Variants in AKT3 observed in about 807,000 individuals in gnomAD.
AKT3 encodes RAC-gamma serine/threonine-protein kinase.
Under a neutral mutation model 65.3 loss-of-function variants are expected in AKT3, and 15 were observed. That is an observed-to-expected ratio of 0.23 (90% CI 0.15 to 0.35). The LOEUF (loss-of-function observed/expected upper bound fraction) is 0.35. Ranked by LOEUF, AKT3 falls within the 10% of genes least tolerant of loss-of-function variation. The pLI is 1.00. For synonymous variants in AKT3, 206 were observed against 183.8 expected (o/e 1.12, Z -0.98); for missense variants, 243 against 576.5 (o/e 0.42, Z 5.92).
At chr1:243,729,673 C>A (rs1290249094) in intron 2 of AKT3, among the ~76,000 whole-genome samples, 2 of 151,794 alleles carry the variant, frequency 1.3e-5, no homozygotes, top group Non-Finnish European at 2.9e-5. Flanking sequence ...GGAAAACGTT[C>A]ATAATATTAA....
At chr1:243,648,433 C>G (rs1278959794) in intron 4 of AKT3, among the ~76,000 whole-genome samples, 1 of 152,114 alleles carries the variant, frequency 6.6e-6, no homozygotes, top group Non-Finnish European at 1.5e-5. Flanking sequence ...CTCCATTTGG[C>G]CACATAACTT....
At chr1:243,828,579 G>T (rs553508738) in intron 2 of AKT3, among the ~76,000 whole-genome samples, 1 of 152,204 alleles carries the variant, frequency 6.6e-6, no homozygotes, top group Non-Finnish European at 1.5e-5. Flanking sequence ...AGACATCAAG[G>T]ATGAAGACCT....
intron 9 of AKT3, among the ~76,000 whole-genome samples, chr1:243,569,723 A>C (rs1376311504): frequency 6.6e-6 from 1 of 152,236 alleles, no homozygotes; most frequent in East Asian, 1.9e-4. Flanking sequence ...AAATAGCAAC[A>C]ACTTATGTAT....
At chr1:243,652,144 G>C (rs1681392075) in intron 4 of AKT3, among the ~76,000 whole-genome samples, 1 of 151,340 alleles carries the variant, frequency 6.6e-6, no homozygotes, top group Non-Finnish European at 1.5e-5. Flanking sequence ...TGCCTCCTGG[G>C]TTCAAGAGAT....
chr1:243,528,865 T>G lies in AKT3; in HGVS notation c.1252-16439A>C, dbSNP rs566677340. ...GTCAAATGGTAATTCTGCTTTGAGT[T>G]GAGATATTGCCAAACTGCTTTCCAC... On this transcript the variant is annotated intron_variant, in intron 12 of 13. Coordinates refer to ENST00000673466, the MANE Select transcript of AKT3 (RefSeq NM_005465.7). Among the ~76,000 whole-genome samples, 17 of 152,342 alleles carry G rather than the reference T, an allele frequency of 1.1e-4. No homozygotes were observed. The South Asian group carries it at 3.3e-3, about 30-fold the overall frequency.
intron 4 of AKT3, 21 bp downstream of exon 4, chr1:243,664,750 TG>T: frequency 7.6e-7 from 1 of 1,310,986 alleles, no homozygotes; most frequent in East Asian, 2.7e-5. Context: ...TTTCACAAAA[TG>T]AAAACAAGTG....
At chr1:243,649,842 T>C (rs1681168354) in intron 4 of AKT3, among the ~76,000 whole-genome samples, 1 of 152,218 alleles carries the variant, frequency 6.6e-6, no homozygotes, top group South Asian at 2.1e-4. Context: ...GTTCCAAGTC[T>C]TTGCTATTGT....
At chr1:243,600,934 G>A (rs1231592577) in intron 8 of AKT3, among the ~76,000 whole-genome samples, 2 of 152,080 alleles carry the variant, frequency 1.3e-5, no homozygotes, top group Non-Finnish European at 2.9e-5. Context: ...GTGAGAGTGA[G>A]GGGAGAGAAT....
chr1:243,535,185 A>ATTT (rs74162292), intron 12 of AKT3, among the ~76,000 whole-genome samples: 1 of 139,090 alleles, frequency 7.2e-6, no homozygotes, highest in African/African-American at 2.8e-5. Flanking sequence ...ATTTTAAAAT[A>ATTT]ATTTTAAAAT....
chr1:243,687,067 G>A (rs944099382), intron 3 of AKT3, among the ~76,000 whole-genome samples: 1 of 151,996 alleles, frequency 6.6e-6, no homozygotes, highest in Non-Finnish European at 1.5e-5. Flanking sequence ...TATGTGATTT[G>A]CCCAAGATCA....
chr1:243,650,831 C>G (rs932009144), intron 4 of AKT3, among the ~76,000 whole-genome samples: 1 of 152,014 alleles, frequency 6.6e-6, no homozygotes, highest in Non-Finnish European at 1.5e-5. Flanking sequence ...TGAAGTCAGG[C>G]AGCATGATGC....
At chr1:243,740,821 T>C (rs550497441) in intron 2 of AKT3, 1 of 152,332 alleles carries the variant, frequency 6.6e-6, no homozygotes, top group East Asian at 1.9e-4. Flanking sequence ...AGGTACGTTC[T>C]GGCCTCTATC....
intron 8 of AKT3, among the ~76,000 whole-genome samples, chr1:243,579,350 T>G (rs909782293): frequency 1.3e-5 from 2 of 151,910 alleles, no homozygotes; most frequent in African/African-American, 4.8e-5. Context: ...AAAAGATAAG[T>G]GAAGGCAGAA....
chr1:243,595,293 A>G (rs1336970886), intron 8 of AKT3, among the ~76,000 whole-genome samples: 1 of 152,180 alleles, frequency 6.6e-6, no homozygotes, highest in African/African-American at 2.4e-5. Flanking sequence ...AAAACGATAT[A>G]CCTGTCTATT....
chr1:243,788,508 T>C (rs1360470111), intron 2 of AKT3, among the ~76,000 whole-genome samples: 1 of 152,182 alleles, frequency 6.6e-6, no homozygotes. Flanking sequence ...TATCAAATGG[T>C]ATAGTATTTG....
In AKT3 at chr1:243,710,386, A is replaced by G. The variant is rs114759171; in HGVS notation, c.47-14670T>C. On this transcript the variant is annotated intron_variant, in intron 2 of 13. Coordinates refer to ENST00000673466, the MANE Select transcript of AKT3 (RefSeq NM_005465.7). Reference sequence around the variant, plus strand: ...TATCTGTCTAGAAATACTGGCATCCATCACCATGTGCCATTAAACATTAAA... The same window carrying G: ...TATCTGTCTAGAAATACTGGCATCCGTCACCATGTGCCATTAAACATTAAA... Among the ~76,000 whole-genome samples, 783 of 152,346 alleles carry G rather than the reference A, an allele frequency of 5.1e-3. 9 individuals carry two copies. The highest frequency in any genetic ancestry group is 0.018 in the African/African-American group (742 of 41,586).
At chr1:243,782,765 T>C (rs776956432) in intron 2 of AKT3, among the ~76,000 whole-genome samples, 2 of 152,064 alleles carry the variant, frequency 1.3e-5, no homozygotes, top group South Asian at 2.1e-4. Flanking sequence ...CCATACACAA[T>C]ACACGTATGG....
intron 6 of AKT3, among the ~76,000 whole-genome samples, chr1:243,616,565 T>C (rs1678341499): frequency 6.6e-6 from 1 of 152,184 alleles, no homozygotes; most frequent in Non-Finnish European, 1.5e-5. Context: ...GAACACAGCA[T>C]CTCTGTTCTT....
intron 3 of AKT3, among the ~76,000 whole-genome samples, chr1:243,692,681 T>C (rs1290679667): frequency 1.3e-5 from 2 of 151,922 alleles, no homozygotes; most frequent in Admixed American, 6.6e-5. Flanking sequence ...GAGGTTGCAG[T>C]GAGCCAAGAT....
Sources: gnomAD v4.1 joint callset for allele counts (sites outside exome capture counted in the v4.1 genomes callset) on GRCh38, gnomAD v4.1.1 for gene constraint, MANE v1.5 for transcripts, NCBI Gene and HGNC (gene_info 2026-07-23, HGNC 2026-07-21) for gene names.